HSF5: variants seen among roughly 807,000 people sequenced by gnomAD.
The protein encoded by HSF5 is heat shock factor protein 5.
In HSF5, 5 loss-of-function variants were observed where a neutral mutation model predicts 50.8. The ratio of observed to expected loss-of-function variants is 0.10; its 90% CI spans 0.05 to 0.21. HSF5 has a LOEUF of 0.21. Among genes scored for constraint, HSF5 ranks in the 10% least tolerant of loss-of-function variants. The pLI is 1.00. For synonymous variants in HSF5, 307 were observed against 307.4 expected (o/e 1.00, Z 0.02); for missense variants, 564 against 762.6 (o/e 0.74, Z 3.07).
chr17:58,440,056 A>T (rs944310391), intron 5 of HSF5, among the ~76,000 whole-genome samples: 2 of 152,124 alleles, frequency 1.3e-5, no homozygotes, highest in Non-Finnish European at 2.9e-5. Context: ...TATTGAAGAC[A>T]ACTAAAAAAC....
At chr17:58,484,581 C>T (rs1468540) in intron 1 of HSF5, among the ~76,000 whole-genome samples, 128,717 of 151,998 alleles carry the variant, frequency 0.85, 54,832 homozygotes, top group East Asian at 1. Flanking sequence ...ACCCACCAGA[C>T]ATGCAACCTG....
At chr17:58,479,614 A>T (rs1386626318) in intron 2 of HSF5, among the ~76,000 whole-genome samples, 1 of 152,102 alleles carries the variant, frequency 6.6e-6, no homozygotes. Flanking sequence ...TGGGGTACTA[A>T]GTCTTAATTT....
chr17:58,431,609 C>A (rs1198007819), intron 5 of HSF5, among the ~76,000 whole-genome samples: 1 of 152,120 alleles, frequency 6.6e-6, no homozygotes, highest in African/African-American at 2.4e-5. Context: ...AATACACATA[C>A]CAAAACATAT....
Position 58,421,882 on chromosome 17 carries a change from C to T in HSF5, c.*478G>A, listed in dbSNP as rs1047081688. 6.5e-6 allele frequency: 1 copy of T among 152,978 alleles called. No individual in the cohort carries two copies. Among genetic ancestry groups the T allele is most frequent in the African/African-American group, 2.4e-5 (1 of 41,414 alleles). 9.5% of individuals were successfully genotyped at this position (152,978 alleles called of 1,614,324 possible). ...CCTGGAATTCCTGATGCATTTAGAC[C>T]TGTGATGCTGGTGACCTCACATGCC... On this transcript the variant is annotated 3_prime_UTR_variant, in exon 6 of 6. Coordinates refer to ENST00000323777, the MANE Select transcript of HSF5 (RefSeq NM_001080439.3).
At chr17:58,452,225 C>T (rs1019157245) in intron 5 of HSF5, among the ~76,000 whole-genome samples, 6 of 151,276 alleles carry the variant, frequency 4.0e-5, no homozygotes, top group African/African-American at 9.7e-5. Flanking sequence ...ACTACAGCTT[C>T]GCAACACAGT....
intron 3 of HSF5, 87 bp downstream of exon 3, chr17:58,466,798 T>G: frequency 2.6e-6 from 2 of 773,962 alleles, no homozygotes. Context: ...GGTTACTCAT[T>G]AATATAAAAT....
At chr17:58,424,342 G>C (rs1974264300) in intron 5 of HSF5, among the ~76,000 whole-genome samples, 1 of 152,174 alleles carries the variant, frequency 6.6e-6, no homozygotes, top group South Asian at 2.1e-4. Flanking sequence ...ACCAGGAGTG[G>C]TGACTCATGC....
intron 2 of HSF5, among the ~76,000 whole-genome samples, 180 bp downstream of exon 2, chr17:58,479,713 C>A (rs558415928): frequency 6.6e-6 from 1 of 152,270 alleles, no homozygotes; most frequent in South Asian, 2.1e-4. Flanking sequence ...CTTAAAAACA[C>A]AATGAAATTT....
chr17:58,454,157 C>T (rs1974676955), intron 5 of HSF5, among the ~76,000 whole-genome samples: 1 of 151,978 alleles, frequency 6.6e-6, no homozygotes. Context: ...CTTCCCTCCA[C>T]TATTGTCCTA....
chr17:58,448,753 A>G (rs1974595358), intron 5 of HSF5, among the ~76,000 whole-genome samples: 1 of 152,228 alleles, frequency 6.6e-6, no homozygotes. Flanking sequence ...AAAACATCTG[A>G]AAGTATAAAA....
At chr17:58,466,529 T>C (rs1665353935) in intron 3 of HSF5, among the ~76,000 whole-genome samples, 3 of 152,350 alleles carry the variant, frequency 2.0e-5, no homozygotes, top group East Asian at 1.9e-4. Context: ...ACGTTAAGTA[T>C]GGAATAATTT....
intron 2 of HSF5, chr17:58,476,241 A>T: frequency 3.3e-6 from 3 of 905,754 alleles, no homozygotes; most frequent in Non-Finnish European, 5.4e-6. Context: ...CCTTCTCTTC[A>T]TCATCATCAT....
intron 2 of HSF5, among the ~76,000 whole-genome samples, chr17:58,468,425 T>A (rs1974901001): frequency 6.6e-6 from 1 of 152,122 alleles, no homozygotes; most frequent in Non-Finnish European, 1.5e-5. Context: ...TATATATATC[T>A]CACAATAATT....
At chr17:58,440,851 C>A (rs1974490401) in intron 5 of HSF5, among the ~76,000 whole-genome samples, 1 of 152,020 alleles carries the variant, frequency 6.6e-6, no homozygotes, top group Non-Finnish European at 1.5e-5. Context: ...TCAAACAGCA[C>A]ATTAGACCTA....
chr17:58,469,211 A>G (rs1050420900), intron 2 of HSF5, among the ~76,000 whole-genome samples: 3 of 152,168 alleles, frequency 2.0e-5, no homozygotes, highest in African/African-American at 7.2e-5. Flanking sequence ...CGGGGTACCA[A>G]AAAGCTGTGT....
At chr17:58,444,773 G>C (rs1050749585) in intron 5 of HSF5, among the ~76,000 whole-genome samples, 1 of 152,006 alleles carries the variant, frequency 6.6e-6, no homozygotes, top group East Asian at 1.9e-4. Flanking sequence ...GCTCATCAAA[G>C]GACAAAATAG....
At chr17:58,430,362 G>A (rs1974347183) in intron 5 of HSF5, among the ~76,000 whole-genome samples, 1 of 152,144 alleles carries the variant, frequency 6.6e-6, no homozygotes, top group African/African-American at 2.4e-5. Context: ...GTGAGCCACT[G>A]TACCTGGCCT....
chr17:58,455,374 T>C (rs935417271), intron 5 of HSF5, among the ~76,000 whole-genome samples: 1 of 152,124 alleles, frequency 6.6e-6, no homozygotes, highest in Non-Finnish European at 1.5e-5. Context: ...TATGAAACTA[T>C]TAGAAGAAAA....
intron 5 of HSF5, among the ~76,000 whole-genome samples, chr17:58,425,038 G>A (rs560263234): frequency 1.3e-5 from 2 of 152,296 alleles, no homozygotes; most frequent in Admixed American, 6.5e-5. Flanking sequence ...GAATGGTAGT[G>A]ATGGTTGTAT....
Sources: gnomAD v4.1 joint callset for allele counts (sites outside exome capture counted in the v4.1 genomes callset) on GRCh38, gnomAD v4.1.1 for gene constraint, MANE v1.5 for transcripts, NCBI Gene and HGNC (gene_info 2026-07-23, HGNC 2026-07-21) for gene names.